DAZAP2: variants seen among roughly 807,000 people sequenced by gnomAD.
DAZAP2 encodes the protein DAZ-associated protein 2.
A neutral mutation model predicts 16.2 loss-of-function variants in DAZAP2; 3 were observed. The observed-to-expected ratio is 0.19, with a 90% confidence interval of 0.08 to 0.48. The LOEUF is 0.48. Among genes scored for constraint, DAZAP2 ranks in the 20% least tolerant of loss-of-function variants. The pLI, the probability that DAZAP2 is intolerant of heterozygous loss-of-function variation, is 0.98. For missense variants in DAZAP2, 172 were observed against 215.9 expected (o/e 0.80, Z 1.27); for synonymous variants, 69 against 77.6 (o/e 0.89, Z 0.58).
chr12:51,243,767 G>A lies in DAZAP2; in HGVS notation c.*1309G>A. On this transcript the variant is annotated 3_prime_UTR_variant, in exon 4 of 4. Transcript: ENST00000412716. Reference sequence around the variant, plus strand: ...AGACTATTTTGAAGATTTGAATAAAGTGATGAAGTTGCATTACACCTCACT... The same window carrying A: ...AGACTATTTTGAAGATTTGAATAAAATGATGAAGTTGCATTACACCTCACT... 1 of 985,682 alleles carries A rather than the reference G, an allele frequency of 1.0e-6. No individual in the cohort carries two copies. 61.1% of individuals were successfully genotyped at this position (985,682 alleles called of 1,614,324 possible).
chr12:51,240,856 T>TTCTGCC lies in DAZAP2; in HGVS notation c.133-11_133-6dup, dbSNP rs1944662228. On this transcript the variant is annotated splice_polypyrimidine_tract_variant and intron_variant, in intron 2 of 3. Coordinates refer to ENST00000412716, the MANE Select transcript of DAZAP2 (RefSeq NM_014764.4). ...TCATAAAGTAACATTTTGCCTTCTC[T>TTCTGCC]TCTGCCTCTTCTAGCTCTATCGTCC... 6.2e-7 allele frequency: 1 copy of TTCTGCC among 1,609,384 alleles called. No homozygotes were observed. The highest frequency in any genetic ancestry group is 1.1e-5 in the South Asian group (1 of 91,052).
chr12:51,243,288 A>C lies in DAZAP2; in HGVS notation c.*830A>C. On this transcript the variant is annotated 3_prime_UTR_variant, in exon 4 of 4. Transcript: ENST00000412716. ...TCGTGCAAACTGTACTGTGAACAACAGTTGGTTTAAAATATGAGGGGCAAG... is the reference window on the plus strand; with the variant it reads ...TCGTGCAAACTGTACTGTGAACAACCGTTGGTTTAAAATATGAGGGGCAAG... 2.0e-6 allele frequency: 2 copies of C among 985,926 alleles called. No individual in the cohort carries two copies. The highest frequency in any genetic ancestry group is 2.4e-6 in the Non-Finnish European group (2 of 829,964). The allele number at this position is 985,926 out of a possible 1,614,324, so 61.1% of individuals were successfully genotyped here.
chr12:51,241,486 A>C (rs1944676908), intron 3 of DAZAP2, among the ~76,000 whole-genome samples: 2 of 152,216 alleles, frequency 1.3e-5, no homozygotes, highest in Admixed American at 1.3e-4. Context: ...TAATTAAAAA[A>C]GTAGAATGTA....
chr12:51,243,055 C>T lies in DAZAP2; in HGVS notation c.*597C>T, dbSNP rs764393840. ...TTCTTTCCTCGCACTTCTCCCCACT[C>T]GTCATCTTTTAACTAGTGTTTCACA... On this transcript the variant is annotated 3_prime_UTR_variant, in exon 4 of 4. Coordinates refer to ENST00000412716, the MANE Select transcript of DAZAP2 (RefSeq NM_014764.4). 3.0e-5 allele frequency: 30 copies of T among 992,914 alleles called. No individual in the cohort carries two copies. Among genetic ancestry groups the T allele is most frequent in the Non-Finnish European group, 3.5e-5 (29 of 835,002 alleles). 61.5% of individuals were successfully genotyped at this position (992,914 alleles called of 1,614,324 possible). A position where few individuals can be genotyped will look rare whatever the true frequency, so the allele number is the denominator to read the frequency against.
At chr12:51,244,662 CTA>C (rs1248640037), downstream of DAZAP2, 1 of 152,126 alleles carries the variant, frequency 6.6e-6, no homozygotes, top group African/African-American at 2.4e-5. Context: ...TATCTTGAGA[CTA>C]AAATCCAAGA....
chr12:51,240,154 C>G, intron 1 of DAZAP2, 189 bp from the exon 2 acceptor site: 2 of 598,650 alleles, frequency 3.3e-6, no homozygotes, highest in Non-Finnish European at 3.0e-6. Context: ...TCGTTAGAAT[C>G]CAGCACCTTC....
intron 2 of DAZAP2, 126 bp from the exon 3 acceptor site, chr12:51,240,740 TGGAAA>T: frequency 7.6e-7 from 1 of 1,321,646 alleles, no homozygotes; most frequent in South Asian, 1.4e-5. Context: ...TGAAGGCCAG[TGGAAA>T]GGCAACTTGT....
At position 51,243,664 on chromosome 12, in the gene DAZAP2, A is replaced by T. The variant is rs1944722742; in HGVS notation, c.*1206A>T. On this transcript the variant is annotated 3_prime_UTR_variant, in exon 4 of 4. Coordinates refer to ENST00000412716, the MANE Select transcript of DAZAP2 (RefSeq NM_014764.4). ...TTGACTGTACCATTGACTGTTATGG[A>T]AGTTCAGCGTTGTATGTCTCTCTCT... 2.0e-6 allele frequency: 2 copies of T among 985,718 alleles called. No homozygotes were observed. Among genetic ancestry groups the T allele is most frequent in the South Asian group, 9.4e-5 (2 of 21,276 alleles). 61.1% of individuals were successfully genotyped at this position (985,718 alleles called of 1,614,324 possible).
chr12:51,246,518 G>A (rs914726385), downstream of DAZAP2: 3 of 452,698 alleles, frequency 6.6e-6, no homozygotes, highest in African/African-American at 4.0e-5. Flanking sequence ...CAAGTGTAAC[G>A]TCCGTATGCA....
At chr12:51,242,266 C>T in intron 3 of DAZAP2, 64 bp from the exon 4 acceptor site, 1 of 1,515,644 alleles carries the variant, frequency 6.6e-7, no homozygotes, top group Non-Finnish European at 8.8e-7. Flanking sequence ...CCTCTGCTTC[C>T]CCTATGTCCC....
Position 51,240,384 on chromosome 12 carries a change from G to A in DAZAP2, c.55G>A (p.Gly19Arg). Residue 19 changes from glycine to arginine, a missense_variant, in exon 2 of 4, where the codon GGG becomes AGG. Transcript: ENST00000412716. ...GCCAACCTACCCTGTGCAGCCTCCT[G>A]GGAATCCAGTATACCCTCAGACCTT... ...TQPTYPVQPP[G>R]NPVYPQTLHL... 6.2e-7 allele frequency: 1 copy of A among 1,614,022 alleles called. No individual in the cohort carries two copies. Among genetic ancestry groups the A allele is most frequent in the Non-Finnish European group, 8.5e-7 (1 of 1,179,998 alleles).
chr12:51,245,768 C>T, downstream of DAZAP2: 1 of 647,962 alleles, frequency 1.5e-6, no homozygotes, highest in East Asian at 2.8e-5. Context: ...TTCTCCATGT[C>T]CCTGGTCCCT....
rs1944726062 is a variant in DAZAP2, at chr12:51,243,824, TTTC to T, written c.*1371_*1373del. ...ATTCTTTACTTAGCTTGTTTTTAGA[TTTC>T]TTCTATATATATTTTATTTATATCC... On this transcript the variant is annotated 3_prime_UTR_variant, in exon 4 of 4. Transcript: ENST00000412716. 1.0e-6 allele frequency: 1 copy of T among 984,876 alleles called. No individual in the cohort carries two copies. Among genetic ancestry groups the T allele is most frequent in the Non-Finnish European group, 1.2e-6 (1 of 829,242 alleles). The allele number at this position is 984,876 out of a possible 1,614,324, so 61.0% of individuals were successfully genotyped here.
chr12:51,239,388 C>T (rs185037223), intron 1 of DAZAP2: 12 of 164,032 alleles, frequency 7.3e-5, no homozygotes, highest in East Asian at 1.9e-4. Context: ...GGGATCAGAA[C>T]TTCTCCCCTT....
downstream of DAZAP2, chr12:51,246,639 T>TGTGTGTG: frequency 6.4e-6 from 4 of 626,222 alleles, no homozygotes; most frequent in Non-Finnish European, 5.3e-6. Context: ...TGTGTGTGTG[T>TGTGTGTG]AATATAACTT....
rs1463198170 is a variant in DAZAP2, at chr12:51,243,128, T to C, written c.*670T>C. On this transcript the variant is annotated 3_prime_UTR_variant, in exon 4 of 4. Coordinates refer to ENST00000412716, the MANE Select transcript of DAZAP2 (RefSeq NM_014764.4). ...GTGCCCCAAGTACAGATGCCATTAC[T>C]TCTGCTTTCGTATCTCCTCAGGCAA... 3.0e-5 allele frequency: 30 copies of C among 985,988 alleles called. No homozygotes were observed. In the Admixed American group the frequency reaches 1.8e-3, roughly 61 times the overall value. 61.1% of individuals were successfully genotyped at this position (985,988 alleles called of 1,614,324 possible). A position where few individuals can be genotyped will look rare whatever the true frequency, so the allele number is the denominator to read the frequency against.
In DAZAP2 at chr12:51,243,036, C is replaced by A. The variant is rs1347677655; in HGVS notation, c.*578C>A. On this transcript the variant is annotated 3_prime_UTR_variant, in exon 4 of 4. Transcript: ENST00000412716. ...GCCAGTCAGACTAATTTCCTTCTTT[C>A]CTCGCACTTCTCCCCACTCGTCATC... 4.0e-6 allele frequency: 4 copies of A among 995,374 alleles called. No individual in the cohort carries two copies. Among genetic ancestry groups the A allele is most frequent in the Non-Finnish European group, 4.8e-6 (4 of 836,690 alleles). 61.7% of individuals were successfully genotyped at this position (995,374 alleles called of 1,614,324 possible). A position where few individuals can be genotyped will look rare whatever the true frequency, so the allele number is the denominator to read the frequency against.
chr12:51,239,864 A>G (rs971785856), intron 1 of DAZAP2: 2 of 163,918 alleles, frequency 1.2e-5, no homozygotes, highest in Non-Finnish European at 2.7e-5. Flanking sequence ...CCCTTTTCCC[A>G]GTCTCACGGT....
chr12:51,244,932 C>G (rs1184639393), downstream of DAZAP2: 1 of 146,550 alleles, frequency 6.8e-6, no homozygotes, highest in Non-Finnish European at 1.5e-5. Flanking sequence ...TCAAGCCATT[C>G]TCCTGCCTCA....
Sources: gnomAD v4.1 joint callset for allele counts (sites outside exome capture counted in the v4.1 genomes callset) on GRCh38, gnomAD v4.1.1 for gene constraint, MANE v1.5 for transcripts, NCBI Gene and HGNC (gene_info 2026-07-23, HGNC 2026-07-21) for gene names.